Variants in NTRK2 observed in about 807,000 individuals in gnomAD.
NTRK2 encodes the protein BDNF/NT-3 growth factors receptor.
NTRK2 carries 13 observed loss-of-function variants against 94.5 expected under a neutral mutation model. The observed-to-expected ratio is 0.14, with a 90% CI of 0.09 to 0.22. The LOEUF (loss-of-function observed/expected upper bound fraction) is 0.22, where lower values mean the gene tolerates loss of function less well. Ranked by LOEUF, NTRK2 falls within the 10% of genes least tolerant of loss-of-function variation. The probability of loss-of-function intolerance (pLI) is 1.00; values close to 1 mark genes in which losing one functional copy is unlikely to be tolerated. For missense variants in NTRK2, 639 were observed against 1,071.2 expected, an observed-to-expected ratio of 0.60 and a Z score of 5.63; for synonymous variants, 372 against 407.4, an observed-to-expected ratio of 0.91 and a Z score of 1.05.
chr9:84,844,686 CACACACACGG>C (rs1163497323), intron 12 of NTRK2, among the ~76,000 whole-genome samples: 3 of 150,944 alleles, frequency 2.0e-5, no homozygotes, highest in Admixed American at 1.3e-4. Context: ...CACACACACA[CACACACACGG>C]CTATCACTAT....
At chr9:85,015,564 C>T (rs975381523) in intron 17 of NTRK2, among the ~76,000 whole-genome samples, 1 of 152,190 alleles carries the variant, frequency 6.6e-6, no homozygotes, top group Non-Finnish European at 1.5e-5. Context: ...GGTATGCTTA[C>T]CAACCCCTGC....
intron 14 of NTRK2, among the ~76,000 whole-genome samples, chr9:84,910,416 C>T (rs1432880710): frequency 1.3e-5 from 2 of 152,128 alleles, no homozygotes; most frequent in Non-Finnish European, 2.9e-5. Flanking sequence ...AGATTTGTCA[C>T]TCCAATCTCT....
intron 2 of NTRK2, among the ~76,000 whole-genome samples, chr9:84,685,892 C>T (rs1245339227): frequency 6.6e-6 from 1 of 152,154 alleles, no homozygotes; most frequent in Non-Finnish European, 1.5e-5. Context: ...CTGTACACAC[C>T]GTTAGGACAT....
At position 85,025,150 on chromosome 9, in the gene NTRK2, A is replaced by G. The variant is rs879354213; in HGVS notation, c.*3713A>G. On this transcript the variant is annotated 3_prime_UTR_variant, in exon 19 of 19. Coordinates refer to ENST00000277120, the MANE Select transcript of NTRK2 (RefSeq NM_006180.6). ...ACTTTTCAACTCTGTGCAGTACTGC[A>G]TGGGTGGAAGACATATTTAAGATAA... The G allele has an allele frequency of 5.6e-5, 13 of 233,172 alleles. No individual in the cohort carries two copies. The Admixed American group carries it at 7.3e-4, about 13-fold the overall frequency. 14.4% of individuals were successfully genotyped at this position (233,172 alleles called of 1,614,324 possible). A position where few individuals can be genotyped will look rare whatever the true frequency, so the allele number is the denominator to read the frequency against.
chr9:84,985,050 C>T (rs886620394), intron 17 of NTRK2, among the ~76,000 whole-genome samples: 2 of 152,202 alleles, frequency 1.3e-5, no homozygotes, highest in Admixed American at 6.5e-5. Context: ...ACTGTGTCTT[C>T]TTAGGAAAAG....
intron 12 of NTRK2, among the ~76,000 whole-genome samples, chr9:84,855,463 T>C (rs2075018670): frequency 1.3e-5 from 2 of 152,124 alleles, no homozygotes; most frequent in Non-Finnish European, 2.9e-5. Context: ...TCTTTGAAAA[T>C]CTGATGAAAT....
rs187404253 is a variant in NTRK2 at position 84,962,762 on chromosome 9, C to T, written c.2172+7245C>T. On this transcript the variant is annotated intron_variant, in intron 17 of 18. Transcript: ENST00000277120. ...TGCTTTTGCCTCACTCAGACCAGAGCCTCTTCTAAAAGTAAGCTGGCAACA... is the reference window on the plus strand; with the variant it reads ...TGCTTTTGCCTCACTCAGACCAGAGTCTCTTCTAAAAGTAAGCTGGCAACA... 3.7e-4 allele frequency among the ~76,000 whole-genome samples: 56 copies of T among 152,254 alleles called. 1 individual carries two copies. Among genetic ancestry groups the T allele is most frequent in the Admixed American group, 1.2e-3 (19 of 15,286 alleles).
intron 12 of NTRK2, among the ~76,000 whole-genome samples, chr9:84,783,093 C>T (rs921016185): frequency 2.6e-5 from 4 of 151,146 alleles, no homozygotes; most frequent in African/African-American, 9.7e-5. Flanking sequence ...TCTCGCTGTC[C>T]CACCTCCCAG....
chr9:84,935,931 T>C (rs1173520983), intron 15 of NTRK2, among the ~76,000 whole-genome samples: 1 of 152,192 alleles, frequency 6.6e-6, no homozygotes, highest in Non-Finnish European at 1.5e-5. Context: ...GATCACATGT[T>C]AGAGCTGGAA....
At chr9:84,692,233 A>T (rs1399672018) in intron 2 of NTRK2, among the ~76,000 whole-genome samples, 1 of 152,078 alleles carries the variant, frequency 6.6e-6, no homozygotes. Flanking sequence ...AAGAAAAAAA[A>T]TTGTCAGAAA....
Position 84,805,091 on chromosome 9 carries a change from G to A in NTRK2, c.1396+53006G>A, listed in dbSNP as rs150410588. ...CTGAAATGGTAGTTGTTGAGTCCTC[G>A]GACACTTGTCATCAGAGCCTGCTGA... On this transcript the variant is annotated intron_variant, in intron 12 of 18. Transcript: ENST00000277120. 5.2e-4 allele frequency among the ~76,000 whole-genome samples: 79 copies of A among 152,220 alleles called. 1 individual carries two copies. In the South Asian group the frequency reaches 0.013, roughly 25 times the overall value.
At chr9:84,674,994 T>G (rs2058944423) in intron 2 of NTRK2, among the ~76,000 whole-genome samples, 1 of 152,240 alleles carries the variant, frequency 6.6e-6, no homozygotes, top group Non-Finnish European at 1.5e-5. Flanking sequence ...GAGAAGAGCC[T>G]GGGCTGTATG....
At chr9:84,918,296 C>T (rs546454415) in intron 14 of NTRK2, among the ~76,000 whole-genome samples, 7 of 152,044 alleles carry the variant, frequency 4.6e-5, no homozygotes, top group African/African-American at 1.7e-4. Context: ...TTGATGTCTT[C>T]CTACCTCTTT....
intron 14 of NTRK2, among the ~76,000 whole-genome samples, chr9:84,926,115 T>C (rs11788488): frequency 0.065 from 2,782 of 42,906 alleles, 42 homozygotes; most frequent in Admixed American, 0.097. Flanking sequence ...CTTTCCTTCC[T>C]TCCTTCCTTC....
In NTRK2 at chr9:85,023,720, CTG is replaced by C; in HGVS notation, c.*2285_*2286del. 4.3e-6 allele frequency: 1 copy of C among 231,604 alleles called. No homozygotes were observed. Among genetic ancestry groups the C allele is most frequent in the Non-Finnish European group, 8.5e-6 (1 of 117,134 alleles). The allele number at this position is 231,604 out of a possible 1,614,324, so 14.3% of individuals were successfully genotyped here. A position where few individuals can be genotyped will look rare whatever the true frequency, so the allele number is the denominator to read the frequency against. ...AAGGACCCATGGTACTCTTAAAACA[CTG>C]TAGAACTCTGTGACGCAGTAAGGAA... On this transcript the variant is annotated 3_prime_UTR_variant, in exon 19 of 19. Coordinates refer to ENST00000277120, the MANE Select transcript of NTRK2 (RefSeq NM_006180.6).
In NTRK2 at chr9:84,984,195, G is replaced by A. The variant is rs56399958; in HGVS notation, c.2172+28678G>A. Among the ~76,000 whole-genome samples the A allele has an allele frequency of 1.5e-3, 221 of 152,230 alleles. 1 individual carries two copies. Among genetic ancestry groups the A allele is most frequent in the Admixed American group, 6.2e-3 (94 of 15,284 alleles). ...CCCCCTTAAAACAGATTTCAGGGCC[G>A]GGCATGTTGGCTCATACCTGTAATC... On this transcript the variant is annotated intron_variant, in intron 17 of 18. Transcript: ENST00000277120.
rs199879377 is a variant in NTRK2 at position 84,670,502 on chromosome 9, C to G, written c.-247C>G. Reference sequence around the variant, plus strand: ...TGCAGCGACGGCCGCCGCGGAGCTCCGAGCAGCGGTAGCGCCCCCCTGTAA... The same window carrying G: ...TGCAGCGACGGCCGCCGCGGAGCTCGGAGCAGCGGTAGCGCCCCCCTGTAA... On this transcript the variant is annotated 5_prime_UTR_variant, in exon 2 of 19. Transcript: ENST00000277120. The G allele has an allele frequency of 2.3e-4, 127 of 547,886 alleles. No homozygotes were observed. The East Asian group carries it at 3.8e-3, about 16-fold the overall frequency. 33.9% of individuals were successfully genotyped at this position (547,886 alleles called of 1,614,324 possible).
chr9:84,769,095 G>A (rs2066296374), intron 12 of NTRK2, among the ~76,000 whole-genome samples: 1 of 152,142 alleles, frequency 6.6e-6, no homozygotes, highest in Non-Finnish European at 1.5e-5. Context: ...GGTTGGTCAA[G>A]GAGAGGATCT....
intron 17 of NTRK2, among the ~76,000 whole-genome samples, chr9:84,978,241 A>G (rs565527320): frequency 2.6e-5 from 4 of 152,342 alleles, no homozygotes; most frequent in South Asian, 2.1e-4. Context: ...GCCTCTTGTG[A>G]CAGGTTGCCA....
Sources: gnomAD v4.1 joint callset for allele counts (sites outside exome capture counted in the v4.1 genomes callset) on GRCh38, gnomAD v4.1.1 for gene constraint, MANE v1.5 for transcripts, NCBI Gene and HGNC (gene_info 2026-07-23, HGNC 2026-07-21) for gene names.